ASTN2: variants seen among roughly 807,000 people sequenced by gnomAD.
ASTN2 encodes the protein astrotactin-2.
In ASTN2, 54 loss-of-function variants were observed where a neutral mutation model predicts 139.8. That is an observed-to-expected ratio of 0.39 (90% CI 0.31 to 0.48). The LOEUF (loss-of-function observed/expected upper bound fraction) is 0.48. Ranked by LOEUF, ASTN2 falls within the 20% of genes least tolerant of loss-of-function variation. The pLI is 0.95. For missense variants in ASTN2, 1,565 were observed against 1,725.1 expected, an observed-to-expected ratio of 0.91 and a Z score of 1.64; for synonymous variants, 756 against 719.5, an observed-to-expected ratio of 1.05 and a Z score of -0.81.
chr9:116,763,914 A>G (rs1396361908), intron 13 of ASTN2, among the ~76,000 whole-genome samples: 1 of 152,198 alleles, frequency 6.6e-6, no homozygotes, highest in Non-Finnish European at 1.5e-5. Context: ...AGATAACTCC[A>G]GTACCAGCAG....
chr9:116,525,559 C>T (rs1203269338), intron 19 of ASTN2, among the ~76,000 whole-genome samples: 2 of 152,184 alleles, frequency 1.3e-5, no homozygotes, highest in South Asian at 2.1e-4. Flanking sequence ...GATTGAAACT[C>T]ACATCCAAAA....
chr9:117,328,261 C>A (rs1329388216), intron 1 of ASTN2, among the ~76,000 whole-genome samples: 1 of 152,048 alleles, frequency 6.6e-6, no homozygotes, highest in Non-Finnish European at 1.5e-5. Flanking sequence ...TGCACGCATA[C>A]ACACTAAACA....
chr9:117,228,356 T>A (rs970011601), intron 2 of ASTN2, among the ~76,000 whole-genome samples: 4 of 152,126 alleles, frequency 2.6e-5, no homozygotes, highest in African/African-American at 9.7e-5. Flanking sequence ...TCAACCTTTT[T>A]CAAAACCTAT....
intron 20 of ASTN2, among the ~76,000 whole-genome samples, chr9:116,472,493 G>A (rs562488653): frequency 6.6e-6 from 1 of 152,280 alleles, no homozygotes; most frequent in South Asian, 2.1e-4. Flanking sequence ...CCTAACACTG[G>A]GCAAAGCTCT....
intron 17 of ASTN2, among the ~76,000 whole-genome samples, chr9:116,649,313 C>T (rs188836508): frequency 6.6e-6 from 1 of 152,080 alleles, no homozygotes; most frequent in African/African-American, 2.4e-5. Flanking sequence ...TGGCTCTTGC[C>T]TGTAATCCCA....
In ASTN2 at chr9:116,976,726, G is replaced by A. The variant is rs776841753; in HGVS notation, c.1651C>T (p.Arg551Cys). The A allele has an allele frequency of 1.1e-5, 18 of 1,613,898 alleles. No homozygotes were observed. Among genetic ancestry groups the A allele is most frequent in the East Asian group, 2.2e-5 (1 of 44,884 alleles). Residue 551 changes from arginine to cysteine, a missense_variant, in exon 8 of 23, where the codon CGC becomes TGC. Physicochemically the swap from Arg to Cys is radical, Grantham distance 180 (BLOSUM62 -3). Around this residue, in one of 4 missense-constraint regions of ASTN2, gnomAD observed 503 missense variants for 591.7 expected, o/e 0.85. Transcript: ENST00000313400. ...CCTTCACTCTGTCCCCAGTCACTGC[G>A]CACACACAGGTGTCTGTGAACAGGG... ...PDPVHRHLCV[R>C]SDWGQSEGPW...
rs141768186 is a variant in ASTN2, at chr9:116,513,037, G to C, written c.3356-25537C>G. 2.2e-3 allele frequency among the ~76,000 whole-genome samples: 333 copies of C among 152,282 alleles called. 10 individuals are homozygous for C. The East Asian group carries it at 0.046, about 21-fold the overall frequency. On this transcript the variant is annotated intron_variant, in intron 19 of 22. Coordinates refer to ENST00000313400, the MANE Select transcript of ASTN2 (RefSeq NM_001365068.1). ...TATTGTTATGTGTGAGTTTGATCCT[G>C]TCATTATGATGTTAGCTGGTTATTT...
At chr9:117,121,470 G>A (rs768486745) in intron 4 of ASTN2, among the ~76,000 whole-genome samples, 24 of 152,146 alleles carry the variant, frequency 1.6e-4, no homozygotes, top group African/African-American at 5.8e-4. Context: ...TGCTTGGTAG[G>A]CCTCTTTTGA....
intron 4 of ASTN2, among the ~76,000 whole-genome samples, chr9:117,132,313 A>C (rs1364828029): frequency 6.6e-6 from 1 of 152,200 alleles, no homozygotes; most frequent in East Asian, 1.9e-4. Flanking sequence ...GCCAAGCCCA[A>C]ATGTTTTTAT....
At chr9:117,051,168 T>A (rs1838902043) in intron 5 of ASTN2, among the ~76,000 whole-genome samples, 1 of 152,088 alleles carries the variant, frequency 6.6e-6, no homozygotes, top group Non-Finnish European at 1.5e-5. Context: ...TGTGACTGAC[T>A]CCCTCTATAA....
chr9:117,173,063 A>G (rs1830830964), intron 3 of ASTN2, among the ~76,000 whole-genome samples: 1 of 152,186 alleles, frequency 6.6e-6, no homozygotes, highest in Non-Finnish European at 1.5e-5. Context: ...TAAAATAAGG[A>G]AAGGGATAAA....
chr9:117,060,876 C>T (rs1040139911), intron 5 of ASTN2, among the ~76,000 whole-genome samples: 31 of 151,460 alleles, frequency 2.0e-4, no homozygotes, highest in African/African-American at 7.0e-4. Context: ...GACTGGGTGA[C>T]AGAGCGAGAG....
chr9:117,050,176 G>T (rs576142391), intron 5 of ASTN2, among the ~76,000 whole-genome samples: 5 of 152,212 alleles, frequency 3.3e-5, no homozygotes, highest in African/African-American at 1.2e-4. Context: ...AAGAGCTAAG[G>T]CCAAGCAGTG....
At chr9:116,819,044 C>T (rs1831411709) in intron 12 of ASTN2, among the ~76,000 whole-genome samples, 1 of 152,134 alleles carries the variant, frequency 6.6e-6, no homozygotes, top group African/African-American at 2.4e-5. Flanking sequence ...AAAGGCTTGC[C>T]TTATGGCTAA....
At chr9:116,764,416 T>C (rs994601532) in intron 13 of ASTN2, among the ~76,000 whole-genome samples, 1 of 152,166 alleles carries the variant, frequency 6.6e-6, no homozygotes, top group Non-Finnish European at 1.5e-5. Flanking sequence ...ATTGAGCCTG[T>C]AGGGCAGCTG....
chr9:116,613,316 A>G (rs1224471600), intron 19 of ASTN2: 1 of 152,238 alleles, frequency 6.6e-6, no homozygotes. Context: ...AGCTGGTACC[A>G]TTCCTTCTGA....
At chr9:116,496,742 G>A (rs1313929458) in intron 19 of ASTN2, among the ~76,000 whole-genome samples, 4 of 152,178 alleles carry the variant, frequency 2.6e-5, no homozygotes, top group African/African-American at 7.2e-5. Flanking sequence ...CCACATGGCT[G>A]GGGAGGCCTC....
intron 5 of ASTN2, among the ~76,000 whole-genome samples, chr9:117,070,718 C>CT (rs1415763930): frequency 2.0e-5 from 3 of 149,140 alleles, no homozygotes; most frequent in Admixed American, 1.3e-4. Context: ...TCTTTTTATT[C>CT]TTTTTTCTCT....
At chr9:116,784,948 AAAT>A (rs1441696447) in intron 13 of ASTN2, among the ~76,000 whole-genome samples, 4 of 151,288 alleles carry the variant, frequency 2.6e-5, no homozygotes, top group African/African-American at 9.8e-5. Context: ...AAAAAAAAAA[AAAT>A]AAGAGGAGCA....
Sources: allele counts gnomAD v4.1 joint callset (sites outside exome capture counted in the v4.1 genomes callset), GRCh38; gene constraint gnomAD v4.1.1; regional missense constraint gnomAD v4.1.1; transcripts MANE v1.5; gene names NCBI Gene and HGNC (gene_info 2026-07-23, HGNC 2026-07-21).